SAMHD1: variants seen among roughly 807,000 people sequenced by gnomAD.
SAMHD1 encodes SAM and HD domain containing deoxynucleoside triphosphate triphosphohydrolase 1, also known as deoxynucleoside triphosphate triphosphohydrolase SAMHD1.
SAMHD1 carries 54 observed loss-of-function variants against 79.6 expected under a neutral mutation model. The ratio of observed to expected loss-of-function variants is 0.68; its 90% CI spans 0.55 to 0.85. The LOEUF is 0.85. SAMHD1 is among the 40% of genes least tolerant of loss of function. The probability of loss-of-function intolerance (pLI) is 0.00; values close to 1 mark genes in which losing one functional copy is unlikely to be tolerated. For synonymous variants in SAMHD1, 260 were observed against 264.1 expected (o/e 0.98, Z 0.15); for missense variants, 663 against 782.7 (o/e 0.85, Z 1.82).
intron 11 of SAMHD1, 113 bp downstream of exon 11, chr20:36,911,105 A>T (rs556782133): frequency 3.1e-6 from 2 of 655,248 alleles, no homozygotes; most frequent in East Asian, 5.8e-5. Flanking sequence ...TTAAAATTAA[A>T]TAATTATCTT....
intron 9 of SAMHD1, 91 bp downstream of exon 9, chr20:36,916,631 T>A: frequency 1.1e-6 from 1 of 912,276 alleles, no homozygotes; most frequent in Non-Finnish European, 1.9e-6. Context: ...AGACTGACGA[T>A]TTACCAATTA....
chr20:36,917,747 C>G (rs1330323108), intron 7 of SAMHD1, among the ~76,000 whole-genome samples: 2 of 152,130 alleles, frequency 1.3e-5, no homozygotes, highest in African/African-American at 4.8e-5. Context: ...TAGCTACATA[C>G]CTAGTCTAAA....
At chr20:36,926,739 G>A (rs2063538696) in intron 6 of SAMHD1, among the ~76,000 whole-genome samples, 1 of 152,156 alleles carries the variant, frequency 6.6e-6, no homozygotes, top group Admixed American at 6.6e-5. Context: ...ACAGCCACCT[G>A]CAAATGCCTA....
chr20:36,938,397 G>A (rs190132886), intron 3 of SAMHD1, among the ~76,000 whole-genome samples: 6 of 151,916 alleles, frequency 3.9e-5, no homozygotes, highest in African/African-American at 4.8e-5. Context: ...AAAATTAGCC[G>A]GGTGTGGTGG....
At position 36,939,075 on chromosome 20, in the gene SAMHD1, C is replaced by CAAAAAAAAA. The variant is rs1178988134; in HGVS notation, c.348+1955_348+1963dup. Reference sequence around the variant, plus strand: ...GAAACCTTGCCTCTACTAAAAATACCAAAAAAAAAAAAAAAAAAAAAAAAA... The same window carrying CAAAAAAAAA: ...GAAACCTTGCCTCTACTAAAAATACCAAAAAAAAAAAAAAAAAAAAAAAAAAAAAAAAAA... On this transcript the variant is annotated intron_variant, in intron 3 of 15. Transcript: ENST00000646673. Among the ~76,000 whole-genome samples the CAAAAAAAAA allele has an allele frequency of 3.4e-3, 77 of 22,532 alleles. 1 individual carries two copies. Among genetic ancestry groups the CAAAAAAAAA allele is most frequent in the African/African-American group, 6.1e-3 (30 of 4,902 alleles). 14.8% of individuals were successfully genotyped at this position (22,532 alleles called of 152,430 possible). A position where few individuals can be genotyped will look rare whatever the true frequency, so the allele number is the denominator to read the frequency against.
At chr20:36,895,102 C>A (rs1435546234) in intron 15 of SAMHD1, among the ~76,000 whole-genome samples, 1 of 152,072 alleles carries the variant, frequency 6.6e-6, no homozygotes, top group Non-Finnish European at 1.5e-5. Flanking sequence ...TAAATGTAAA[C>A]AAATACGTCA....
At chr20:36,932,868 C>T (rs1179476021) in intron 4 of SAMHD1, among the ~76,000 whole-genome samples, 1 of 152,116 alleles carries the variant, frequency 6.6e-6, no homozygotes, top group Non-Finnish European at 1.5e-5. Flanking sequence ...AAACTGTACA[C>T]TTAAAAAACA....
At chr20:36,904,043 T>TGA in intron 13 of SAMHD1, 114 bp downstream of exon 13, 1 of 300,480 alleles carries the variant, frequency 3.3e-6, no homozygotes, top group Non-Finnish European at 6.5e-6. Flanking sequence ...TGAGGGCACA[T>TGA]CATCTTTCTG....
At chr20:36,939,075 CAAAAAAAAAAAA>C (rs1178988134) in intron 3 of SAMHD1, among the ~76,000 whole-genome samples, 7 of 22,532 alleles carry the variant, frequency 3.1e-4, no homozygotes, top group East Asian at 3.9e-3. Flanking sequence ...CTAAAAATAC[CAAAAAAAAAAAA>C]AAAAAAAAAA....
Position 36,890,422 on chromosome 20 carries a change from T to TTTCTTTC in SAMHD1, c.*2509_*2510insGAAAGAA, listed in dbSNP as rs1387480780. The TTTCTTTC allele has an allele frequency of 1.8e-5, 2 of 109,964 alleles. No individual in the cohort carries two copies. Among genetic ancestry groups the TTTCTTTC allele is most frequent in the Admixed American group, 2.0e-4 (2 of 9,868 alleles). The allele number at this position is 109,964 out of a possible 1,614,324, so 6.8% of individuals were successfully genotyped here. On this transcript the variant is annotated 3_prime_UTR_variant, in exon 16 of 16. Coordinates refer to ENST00000646673, the MANE Select transcript of SAMHD1 (RefSeq NM_015474.4). ...TCTTTCTTTCTTTCTTTCTTTCTTT[T>TTTCTTTC]CTTTCTCTCTTTCCTTCCTTCCTTC...
intron 12 of SAMHD1, 137 bp from the exon 13 acceptor site, chr20:36,904,386 A>T: frequency 1.4e-6 from 1 of 714,524 alleles, no homozygotes; most frequent in African/African-American, 1.8e-5. Context: ...AGCTCCTACC[A>T]ATGTCACTCG....
chr20:36,933,587 T>A (rs1376135590), intron 4 of SAMHD1, among the ~76,000 whole-genome samples: 2 of 152,052 alleles, frequency 1.3e-5, no homozygotes, highest in African/African-American at 2.4e-5. Context: ...AACCTTGGCC[T>A]CCCGGGTTCA....
intron 6 of SAMHD1, among the ~76,000 whole-genome samples, chr20:36,923,019 GAC>G (rs2063515279): frequency 6.6e-6 from 1 of 151,814 alleles, no homozygotes; most frequent in Non-Finnish European, 1.5e-5. Context: ...TTTATTTTTT[GAC>G]ACAGTGTCTC....
At chr20:36,913,122 G>A (rs577935171) in intron 9 of SAMHD1, among the ~76,000 whole-genome samples, 4 of 147,980 alleles carry the variant, frequency 2.7e-5, no homozygotes, top group South Asian at 2.1e-4. Context: ...TCAGTCTCCC[G>A]AGTGGCTGGG....
chr20:36,901,355 G>T (rs538305088), intron 13 of SAMHD1, among the ~76,000 whole-genome samples: 1 of 152,172 alleles, frequency 6.6e-6, no homozygotes, highest in Non-Finnish European at 1.5e-5. Context: ...GGTACGGATG[G>T]GGTTTTGCTG....
In SAMHD1 at chr20:36,951,598, C is replaced by A. The variant is rs200703816; in HGVS notation, c.46G>T (p.Asp16Tyr). The A allele has an allele frequency of 5.6e-6, 9 of 1,614,170 alleles. No individual in the cohort carries two copies. The highest frequency in any genetic ancestry group is 7.6e-6 in the Non-Finnish European group (9 of 1,180,006). ...SEQPSKRPRC[D>Y]DSPRTPSNTP... ...TTTGAGGGGGTTCTCGGGCTGTCATCGCAACGGGGACGCTTGGAGGGCTGC... is the reference window on the plus strand; with the variant it reads ...TTTGAGGGGGTTCTCGGGCTGTCATAGCAACGGGGACGCTTGGAGGGCTGC... Residue 16 changes from aspartate (D) to tyrosine (Y), a missense_variant, in exon 1 of 16, where the codon GAT (aspartate) becomes TAT (tyrosine). Asp to Tyr is a radical substitution (Grantham distance 160, BLOSUM62 -3). Transcript: ENST00000646673.
intron 11 of SAMHD1, 43 bp from the exon 12 acceptor site, chr20:36,905,546 C>T (rs566045913): frequency 1.3e-6 from 2 of 1,509,016 alleles, no homozygotes; most frequent in African/African-American, 2.8e-5. Flanking sequence ...AATAAAAACA[C>T]AGAGTTAAAG....
At chr20:36,946,580 A>C in intron 2 of SAMHD1, 158 bp downstream of exon 2, 1 of 616,314 alleles carries the variant, frequency 1.6e-6, no homozygotes, top group Non-Finnish European at 2.9e-6. Flanking sequence ...TCAAAAAACA[A>C]ATGAACAAAC....
intron 6 of SAMHD1, 74 bp from the exon 7 acceptor site, chr20:36,919,593 T>C: frequency 7.5e-7 from 1 of 1,341,824 alleles, no homozygotes; most frequent in Non-Finnish European, 1.1e-6. Context: ...AAAATTATCC[T>C]CAATTCCAAG....
Sources: gnomAD v4.1 joint callset for allele counts (sites outside exome capture counted in the v4.1 genomes callset) on GRCh38, gnomAD v4.1.1 for gene constraint, MANE v1.5 for transcripts, NCBI Gene and HGNC (gene_info 2026-07-23, HGNC 2026-07-21) for gene names.